Variants in NHLRC3 observed in about 807,000 individuals in gnomAD.
NHLRC3 encodes the protein NHL repeat containing 3.
In NHLRC3, 23 loss-of-function variants were observed where a neutral mutation model predicts 32.0. The ratio of observed to expected loss-of-function variants is 0.72; its 90% CI spans 0.52 to 1.02. NHLRC3 has a LOEUF of 1.02. Among genes scored for constraint, NHLRC3 ranks in the 50% least tolerant of loss-of-function variants. The pLI is 0.00. For missense variants in NHLRC3, 407 were observed against 406.8 expected (o/e 1.00, Z -0.01); for synonymous variants, 159 against 147.9 (o/e 1.08, Z -0.55).
At chr13:39,043,064 A>G (rs1871524186) in intron 4 of NHLRC3, among the ~76,000 whole-genome samples, 1 of 152,222 alleles carries the variant, frequency 6.6e-6, no homozygotes, top group Non-Finnish European at 1.5e-5. Flanking sequence ...AAGTGATGTT[A>G]CAACAGCAGG....
At chr13:39,038,966 C>T (rs2138148022) in intron 1 of NHLRC3, 170 bp from the exon 2 acceptor site, 3 of 640,482 alleles carry the variant, frequency 4.7e-6, no homozygotes, top group Non-Finnish European at 8.2e-6. Flanking sequence ...GTATTGTGGT[C>T]GTGTTGGTCT....
rs999510955 is a variant in NHLRC3 at position 39,050,061 on chromosome 13, G to A, written c.*2135G>A. On this transcript the variant is annotated 3_prime_UTR_variant, in exon 7 of 7. Coordinates refer to ENST00000379600, the MANE Select transcript of NHLRC3 (RefSeq NM_001012754.4). Reference sequence around the variant, plus strand: ...TAAATTAAAATTTTGGAAAGAAAAGGCAATATTATCTGGCTCCCCAATTAA... The same window carrying A: ...TAAATTAAAATTTTGGAAAGAAAAGACAATATTATCTGGCTCCCCAATTAA... 2 of 152,122 alleles carry A rather than the reference G, an allele frequency of 1.3e-5. No homozygotes were observed. The highest frequency in any genetic ancestry group is 4.8e-5 in the African/African-American group (2 of 41,416). 9.4% of individuals were successfully genotyped at this position (152,122 alleles called of 1,614,324 possible).
chr13:39,046,981 C>A (rs986568832), intron 5 of NHLRC3, 59 bp from the exon 6 acceptor site: 16 of 1,055,432 alleles, frequency 1.5e-5, no homozygotes, highest in Middle Eastern at 2.0e-4. Flanking sequence ...AATAAACATT[C>A]TTTTCCCTTT....
chr13:39,039,792 A>C, intron 3 of NHLRC3, 81 bp downstream of exon 3: 3 of 994,178 alleles, frequency 3.0e-6, no homozygotes, highest in South Asian at 3.6e-5. Context: ...GTTTAAAATC[A>C]GAGTTGCTGA....
At chr13:39,038,941 A>G in intron 1 of NHLRC3, 195 bp from the exon 2 acceptor site, 1 of 635,726 alleles carries the variant, frequency 1.6e-6, no homozygotes, top group Non-Finnish European at 2.8e-6. Flanking sequence ...ACATCCTCAA[A>G]TAATTTGCAG....
chr13:39,043,179 A>T (rs1410860334), intron 4 of NHLRC3, among the ~76,000 whole-genome samples: 1 of 151,108 alleles, frequency 6.6e-6, no homozygotes, highest in African/African-American at 2.4e-5. Context: ...ATAACAGTTG[A>T]AAGGGAAATG....
intron 5 of NHLRC3, among the ~76,000 whole-genome samples, chr13:39,045,702 A>G (rs1871644203): frequency 6.6e-6 from 1 of 152,222 alleles, no homozygotes; most frequent in East Asian, 1.9e-4. Flanking sequence ...TGTCTGGGAT[A>G]CTAGTCTCAA....
At chr13:39,039,445 T>C (rs1871364629) in intron 2 of NHLRC3, 119 bp from the exon 3 acceptor site, 3 of 1,113,014 alleles carry the variant, frequency 2.7e-6, no homozygotes, top group South Asian at 3.1e-5. Context: ...GTGAAAGATA[T>C]GTTAGATTTT....
chr13:39,038,605 T>C lies in NHLRC3; in HGVS notation c.-35T>C. 6.3e-7 allele frequency: 1 copy of C among 1,588,478 alleles called. No homozygotes were observed. Among genetic ancestry groups the C allele is most frequent in the Non-Finnish European group, 8.6e-7 (1 of 1,156,524 alleles). ...GCTGTCAGGTCCTCCCCCAGACACC[T>C]GCGGACCCTCCCTCTCCTGGCTTCC... On this transcript the variant is annotated 5_prime_UTR_variant, in exon 1 of 7. Transcript: ENST00000379600.
chr13:39,045,530 CAA>C (rs1566034263), intron 5 of NHLRC3, among the ~76,000 whole-genome samples: 206 of 152,314 alleles, frequency 1.4e-3, no homozygotes, highest in African/African-American at 4.5e-3. Context: ...ATCATCACCA[CAA>C]CCCTATATGA....
rs534073371 is a variant in NHLRC3, at chr13:39,047,857, A to G, written c.975A>G (p.Ala325=). The change falls in exon 7 of 7, where the codon GCA becomes GCG. Residue 325 remains alanine (A), a synonymous_variant. Coordinates refer to ENST00000379600, the MANE Select transcript of NHLRC3 (RefSeq NM_001012754.4). ...VDRKTGAVYV[A]EIGAKQVQKY... ...GAAAGACTGGAGCAGTCTATGTAGC[A>G]GAAATTGGAGCAAAACAAGTACAAA... The G allele has an allele frequency of 1.9e-6, 3 of 1,613,982 alleles. No homozygotes were observed.
intron 3 of NHLRC3, 173 bp downstream of exon 3, chr13:39,039,884 A>G: frequency 3.7e-6 from 2 of 537,672 alleles, no homozygotes; most frequent in Non-Finnish European, 6.4e-6. Flanking sequence ...GAATTAAGAA[A>G]TTTAACAAGG....
In NHLRC3 at chr13:39,049,274, G is replaced by A. The variant is rs1292279593; in HGVS notation, c.*1348G>A. 1.3e-5 allele frequency: 2 copies of A among 152,492 alleles called. No individual in the cohort carries two copies. Among genetic ancestry groups the A allele is most frequent in the African/African-American group, 4.8e-5 (2 of 41,418 alleles). 9.4% of individuals were successfully genotyped at this position (152,492 alleles called of 1,614,324 possible). On this transcript the variant is annotated 3_prime_UTR_variant, in exon 7 of 7. Transcript: ENST00000379600. ...ACCTGAAGGGACTCACACTTGTTTT[G>A]ATACTTGGATCACATCTCCGTGAGG...
At chr13:39,039,061 T>TTGCCC in intron 1 of NHLRC3, 75 bp from the exon 2 acceptor site, 1 of 760,182 alleles carries the variant, frequency 1.3e-6, no homozygotes, top group African/African-American at 1.7e-5. Context: ...TAAGCCCTGT[T>TTGCCC]ACCCGGCCCC....
chr13:39,044,732 A>G (rs960023674), intron 5 of NHLRC3, among the ~76,000 whole-genome samples: 7 of 152,274 alleles, frequency 4.6e-5, no homozygotes, highest in African/African-American at 1.7e-4. Flanking sequence ...TCTCTTTTCT[A>G]CCCTACTCAC....
intron 1 of NHLRC3, 152 bp downstream of exon 1, chr13:39,038,875 G>A: frequency 1.4e-6 from 1 of 720,294 alleles, no homozygotes; most frequent in South Asian, 1.7e-5. Context: ...TTGACCCTTT[G>A]AGTTTAAAAA....
chr13:39,039,841 T>C, intron 3 of NHLRC3, 130 bp downstream of exon 3: 1 of 678,910 alleles, frequency 1.5e-6, no homozygotes, highest in Non-Finnish European at 2.4e-6. Flanking sequence ...TGAAATCACA[T>C]GTTTTTAACA....
In NHLRC3 at chr13:39,047,071, T is replaced by TC. The variant is rs745606827; in HGVS notation, c.712dup (p.Gln238ProfsTer4). 7.4e-6 allele frequency: 12 copies of TC among 1,613,058 alleles called. 2 individuals are homozygous for TC. The South Asian group carries it at 1.2e-4, about 16-fold the overall frequency. On this transcript the variant is annotated frameshift_variant, in exon 6 of 7. Transcript: ENST00000379600. LOFTEE classifies it high-confidence loss of function. ...GTTGCTGACCGAGGAAATAAAAGAA[T>TC]CCAAGTATTTGATAAAGACACTGGG...
Position 39,039,145 on chromosome 13 carries a change from A to G in NHLRC3, c.94A>G (p.Asn32Asp). The G allele has an allele frequency of 6.5e-7, 1 of 1,546,020 alleles. No individual in the cohort carries two copies. Among genetic ancestry groups the G allele is most frequent in the South Asian group, 1.1e-5 (1 of 90,028 alleles). The change falls in exon 2 of 7, where the codon AAC becomes GAC. Residue 32 changes from asparagine (N) to aspartate (D), a missense_variant. Asn to Asp is a conservative substitution (Grantham distance 23). Coordinates refer to ENST00000379600, the MANE Select transcript of NHLRC3 (RefSeq NM_001012754.4). ...TCTGATTTTGTTTAAGGTTTTGAGG[A>G]ACTTTACTTTTGCAGTTTCCTGGAG... is the stretch of plus-strand genomic sequence containing the variant. ...SRFCGSPVLR[N>D]FTFAVSWRTE...
Sources: gnomAD v4.1 joint callset for allele counts (sites outside exome capture counted in the v4.1 genomes callset) on GRCh38, gnomAD v4.1.1 for gene constraint, MANE v1.5 for transcripts, NCBI Gene and HGNC (gene_info 2026-07-23, HGNC 2026-07-21) for gene names.